The following MYH3 variants were observed in gnomAD, a reference collection of about 807,000 sequenced individuals.
The protein encoded by MYH3 is myosin-3.
MYH3 carries 130 observed loss-of-function variants against 238.0 expected under a neutral mutation model. That is an observed-to-expected ratio of 0.55 (90% CI 0.47 to 0.63). The LOEUF is 0.63. Ranked by LOEUF, MYH3 falls within the 30% of genes least tolerant of loss-of-function variation. MYH3 has a pLI of 0.00. For missense variants in MYH3, 1,853 were observed against 2,374.9 expected (o/e 0.78, Z 4.57); for synonymous variants, 880 against 924.1 (o/e 0.95, Z 0.86).
rs749256639 is a variant in MYH3 at position 10,638,025 on chromosome 17, C to T, written c.3729+18G>A. 4 of 1,613,962 alleles carry T rather than the reference C, an allele frequency of 2.5e-6. No homozygotes were observed. The highest frequency in any genetic ancestry group is 2.5e-6 in the Non-Finnish European group (3 of 1,180,016). On this transcript the variant is annotated intron_variant, in intron 27 of 40. Transcript: ENST00000583535. ...TGTCTGATGGAAAGCCTTGAGCCAC[C>T]CCCACCCCGCGCAGCACCTTAGATT... is the stretch of plus-strand genomic sequence containing the variant.
chr17:10,657,387 G>C (rs1202750147), upstream of MYH3: 1 of 152,290 alleles, frequency 6.6e-6, no homozygotes, highest in Non-Finnish European at 1.5e-5. Flanking sequence ...TATTTGGCAA[G>C]AGGATGAGTG....
chr17:10,657,944 CATT>C (rs1261748449), upstream of MYH3, among the ~76,000 whole-genome samples: 2 of 152,038 alleles, frequency 1.3e-5, no homozygotes, highest in Admixed American at 6.6e-5. Context: ...TCATTAGTAT[CATT>C]ATTAACTTAA....
At chr17:10,651,694 C>T (rs781222080) in intron 4 of MYH3, 26 bp from the exon 5 acceptor site, 32 of 1,610,218 alleles carry the variant, frequency 2.0e-5, no homozygotes, top group South Asian at 3.3e-5. Flanking sequence ...CATATACGTG[C>T]GTATATGTAT....
chr17:10,654,737 T>G lies in MYH3; in HGVS notation c.204+124A>C. On this transcript the variant is annotated intron_variant, in intron 3 of 40. Transcript: ENST00000583535. This position sits in a 1 kb window ranked among gnomAD's most constrained non-coding sequence, Gnocchi z 4.5. ...ATACCTGGGAAGCCCCAGGCTACAT[T>G]GTATGCGGCATTCCAGTGCTGGAAC... The G allele has an allele frequency of 1.1e-6, 1 of 907,956 alleles. No individual in the cohort carries two copies. Among genetic ancestry groups the G allele is most frequent in the South Asian group, 1.3e-5 (1 of 76,350 alleles). The allele number at this position is 907,956 out of a possible 1,614,324, so 56.2% of individuals were successfully genotyped here. A position where few individuals can be genotyped will look rare whatever the true frequency, so the allele number is the denominator to read the frequency against.
the MYH3 span, chr17:10,677,570 C>T: frequency 6.6e-6 from 1 of 152,164 alleles, no homozygotes; most frequent in African/African-American, 2.4e-5. Context: ...GACGCATTTA[C>T]AATTTAAAAT....
At chr17:10,673,636 C>T in the MYH3 span, 1 of 152,236 alleles carries the variant, frequency 6.6e-6, no homozygotes, top group African/African-American at 2.4e-5. Context: ...CAGTGGTTCT[C>T]AGCAGCCTAC....
chr17:10,671,047 C>T, the MYH3 span, among the ~76,000 whole-genome samples: 18 of 152,082 alleles, frequency 1.2e-4, no homozygotes, highest in African/African-American at 3.4e-4. Flanking sequence ...CGCACCACCA[C>T]GCCCAGCTAA....
chr17:10,631,925 T>G lies in MYH3; in HGVS notation c.5048A>C (p.Gln1683Pro), dbSNP rs2142382212. The G allele has an allele frequency of 6.2e-7, 1 of 1,614,140 alleles. No homozygotes were observed. The highest frequency in any genetic ancestry group is 8.5e-7 in the Non-Finnish European group (1 of 1,180,026). Residue 1683 changes from glutamine (Q) to proline (P), a missense_variant, in exon 35 of 41, where the codon CAG becomes CCG. By Grantham distance (76) the Gln-to-Pro change is moderately conservative (BLOSUM62 -1). This residue lies in a region of MYH3 where 1,044 missense variants were observed against 1,192.6 expected (regional missense o/e 0.88). Transcript: ENST00000583535. Reference protein sequence around the residue: ...AIVERRANLLQAEVEELRATL... With the variant: ...AIVERRANLLPAEVEELRATL... Reference sequence around the variant, plus strand: ...AGCCCGCAGCTCCTCCACCTCGGCCTGCAGCAGGTTGGCTCTGCGCTCCAC... The same window carrying G: ...AGCCCGCAGCTCCTCCACCTCGGCCGGCAGCAGGTTGGCTCTGCGCTCCAC...
At chr17:10,644,730 GA>G in intron 12 of MYH3, 28 bp from the exon 13 acceptor site, 1 of 1,534,272 alleles carries the variant, frequency 6.5e-7, no homozygotes, top group South Asian at 1.1e-5. Context: ...ACAGTGCTTA[GA>G]AAAGTAGAAG....
At chr17:10,649,454 A>C in intron 7 of MYH3, 123 bp downstream of exon 7, 2 of 834,704 alleles carry the variant, frequency 2.4e-6, no homozygotes, top group Non-Finnish European at 4.1e-6. Flanking sequence ...CAAGATAGTA[A>C]ATCCTAGCCT....
In MYH3 at chr17:10,631,908, G is replaced by C. The variant is rs1282954501; in HGVS notation, c.5065C>G (p.Leu1689Val). 1 of 1,614,048 alleles carries C rather than the reference G, an allele frequency of 6.2e-7. No individual in the cohort carries two copies. The highest frequency in any genetic ancestry group is 1.3e-5 in the African/African-American group (1 of 74,934). The change falls in exon 35 of 41, where the codon CTG (leucine) becomes GTG (valine). Residue 1689 changes from leucine to valine, a missense_variant. By Grantham distance (32) the Leu-to-Val change is conservative. This residue lies in a region of MYH3 where 1,044 missense variants were observed against 1,192.6 expected (regional missense o/e 0.88). Coordinates refer to ENST00000583535, the MANE Select transcript of MYH3 (RefSeq NM_002470.4). Reference sequence around the variant, plus strand: ...TCCGTCTGCTCCAGAGTAGCCCGCAGCTCCTCCACCTCGGCCTGCAGCAGG... The same window carrying C: ...TCCGTCTGCTCCAGAGTAGCCCGCACCTCCTCCACCTCGGCCTGCAGCAGG... ...ANLLQAEVEE[L>V]RATLEQTERA...
At chr17:10,636,082 T>G (rs543919995) in intron 28 of MYH3, among the ~76,000 whole-genome samples, 3 of 152,152 alleles carry the variant, frequency 2.0e-5, no homozygotes, top group African/African-American at 7.2e-5. Flanking sequence ...CCCAGCACTT[T>G]GGGAGGCTGA....
rs1463722293 is a variant in MYH3 at position 10,655,011 on chromosome 17, C to G, written c.54G>C (p.Arg18=). 6.2e-7 allele frequency: 1 copy of G among 1,614,200 alleles called. No homozygotes were observed. Among genetic ancestry groups the G allele is most frequent in the South Asian group, 1.1e-5 (1 of 91,086 alleles). Residue 18 remains arginine, a synonymous_variant, in exon 3 of 41, where the codon CGG becomes CGC. Transcript: ENST00000583535. ...CCTCGATCCTCTCCTTTTCTGACTT[C>G]CGGAGGAAAGGAGCAGCTATGCCGA... ...EVFGIAAPFL[R]KSEKERIEAQ... is the part of the protein sequence containing the mutation.
intron 8 of MYH3, among the ~76,000 whole-genome samples, chr17:10,648,019 A>G (rs1380030568): frequency 2.0e-5 from 3 of 152,164 alleles, no homozygotes; most frequent in Non-Finnish European, 2.9e-5. Flanking sequence ...ATCAAACCAT[A>G]TCACTCCCTG....
intron 28 of MYH3, 97 bp from the exon 29 acceptor site, chr17:10,635,950 CAG>C: frequency 9.7e-7 from 1 of 1,030,736 alleles, no homozygotes; most frequent in Non-Finnish European, 1.5e-6. Flanking sequence ...TCTGGGGAGA[CAG>C]AAAATGATAA....
At position 10,657,302 on chromosome 17, in the gene MYH3, C is replaced by T. The variant is rs1052355561; in HGVS notation, c.-81G>A. ...CCTGTGACTTACCTCCGCCCACAAG[C>T]GAGCCACAGAGGGCTGGCTGCTCCC... On this transcript the variant is annotated 5_prime_UTR_variant, in exon 1 of 41. Transcript: ENST00000583535. 27 of 152,294 alleles carry T rather than the reference C, an allele frequency of 1.8e-4. No homozygotes were observed. The highest frequency in any genetic ancestry group is 4.1e-4 in the African/African-American group (17 of 41,424). 9.4% of individuals were successfully genotyped at this position (152,294 alleles called of 1,614,324 possible). A position where few individuals can be genotyped will look rare whatever the true frequency, so the allele number is the denominator to read the frequency against.
chr17:10,635,009 T>C lies in MYH3; in HGVS notation c.4187A>G (p.Gln1396Arg). The C allele has an allele frequency of 6.2e-7, 1 of 1,614,186 alleles. No homozygotes were observed. The highest frequency in any genetic ancestry group is 2.2e-5 in the East Asian group (1 of 44,882). The change falls in exon 31 of 41, where the codon CAG becomes CGG. Residue 1396 changes from glutamine (Q) to arginine (R), a missense_variant. This residue lies in a region of MYH3 where 1,044 missense variants were observed against 1,192.6 expected (regional missense o/e 0.88). Coordinates refer to ENST00000583535, the MANE Select transcript of MYH3 (RefSeq NM_002470.4). ...ELEEAKKKLAQRLQDSEEQVE... is the reference protein window; with the variant it reads ...ELEEAKKKLARRLQDSEEQVE... ...CTGTTCCTCGGAATCTTGAAGGCGCTGAGCAAGTTTTTTCCTTAAAGAATA... is the reference window on the plus strand; with the variant it reads ...CTGTTCCTCGGAATCTTGAAGGCGCCGAGCAAGTTTTTTCCTTAAAGAATA...
chr17:10,629,474 A>G, intron 40 of MYH3, 123 bp downstream of exon 40: 1 of 1,319,818 alleles, frequency 7.6e-7, no homozygotes, highest in Non-Finnish European at 1.0e-6. Flanking sequence ...AGTGACTTTA[A>G]GCACTTTCTC....
chr17:10,670,193 T>C, the MYH3 span, among the ~76,000 whole-genome samples: 2 of 152,172 alleles, frequency 1.3e-5, no homozygotes, highest in South Asian at 2.1e-4. The surrounding 1 kb of genome is among the most constrained non-coding windows in gnomAD (Gnocchi z 7.0). Context: ...AAGCACACAC[T>C]GCAACAATAA....
Sources: allele counts gnomAD v4.1 joint callset (sites outside exome capture counted in the v4.1 genomes callset), GRCh38; gene constraint gnomAD v4.1.1; regional missense constraint gnomAD v4.1.1; non-coding constraint Gnocchi (gnomAD v3.1); transcripts MANE v1.5; gene names NCBI Gene and HGNC (gene_info 2026-07-23, HGNC 2026-07-21).